The following SBF2 variants were observed in gnomAD, a reference collection of about 807,000 sequenced individuals.
SBF2 encodes the protein SET binding factor 2, also known as myotubularin-related protein 13.
SBF2 carries 112 observed loss-of-function variants against 225.2 expected under a neutral mutation model. That is an observed-to-expected ratio of 0.50 (90% CI 0.43 to 0.58). SBF2 has a LOEUF of 0.58. Among genes scored for constraint, SBF2 ranks in the 20% least tolerant of loss-of-function variants. SBF2 has a pLI of 0.00. For missense variants in SBF2, 1,996 were observed against 2,206.2 expected, an observed-to-expected ratio of 0.90 and a Z score of 1.91; for synonymous variants, 763 against 773.3, an observed-to-expected ratio of 0.99 and a Z score of 0.22.
At chr11:9,924,881 T>C (rs1044981797) in intron 16 of SBF2, among the ~76,000 whole-genome samples, 1 of 152,092 alleles carries the variant, frequency 6.6e-6, no homozygotes, top group Non-Finnish European at 1.5e-5. Flanking sequence ...CCTAAGTAGC[T>C]GGGACCACAG....
intron 12 of SBF2, 84 bp from the exon 13 acceptor site, chr11:9,989,679 G>C: frequency 2.3e-6 from 2 of 870,540 alleles, no homozygotes; most frequent in Middle Eastern, 2.3e-4. Context: ...CAATTTGCAA[G>C]CCAAAAAAAT....
At chr11:10,258,108 A>ACACACG (rs754250831) in intron 1 of SBF2, among the ~76,000 whole-genome samples, 4 of 142,786 alleles carry the variant, frequency 2.8e-5, no homozygotes, top group Non-Finnish European at 6.1e-5. Flanking sequence ...ACACACACAC[A>ACACACG]CTTTTTTTTT....
chr11:10,167,367 C>A (rs1013202994), intron 2 of SBF2, among the ~76,000 whole-genome samples: 1 of 151,958 alleles, frequency 6.6e-6, no homozygotes, highest in Non-Finnish European at 1.5e-5. Context: ...AATTCTAGAC[C>A]AGCCTCAGTA....
chr11:10,295,006 G>A (rs955919968), upstream of SBF2, among the ~76,000 whole-genome samples: 1 of 152,258 alleles, frequency 6.6e-6, no homozygotes, highest in Non-Finnish European at 1.5e-5. Flanking sequence ...GATTATCAAA[G>A]TCGCTTGCTT....
chr11:10,032,711 C>G (rs972604332), intron 3 of SBF2, among the ~76,000 whole-genome samples: 2 of 152,184 alleles, frequency 1.3e-5, no homozygotes, highest in Non-Finnish European at 2.9e-5. Context: ...TGTCTGTCAA[C>G]TGCACTAGCA....
intron 1 of SBF2, among the ~76,000 whole-genome samples, chr11:10,225,395 AC>A: frequency 6.6e-6 from 1 of 151,960 alleles, no homozygotes; most frequent in East Asian, 1.9e-4. Flanking sequence ...CATTTTGAAA[AC>A]CCAATTTCCT....
At chr11:9,851,066 G>A (rs534846036) in intron 21 of SBF2, among the ~76,000 whole-genome samples, 4 of 151,358 alleles carry the variant, frequency 2.6e-5, no homozygotes, top group Non-Finnish European at 5.9e-5. Flanking sequence ...AACCTGGGAG[G>A]GGGAGGTTGC....
At chr11:10,158,925 T>C (rs376195365) in intron 2 of SBF2, among the ~76,000 whole-genome samples, 1 of 152,144 alleles carries the variant, frequency 6.6e-6, no homozygotes, top group Non-Finnish European at 1.5e-5. Flanking sequence ...CAAACAACAT[T>C]TGATAAAATC....
chr11:9,984,362 C>T (rs1947099886), intron 13 of SBF2, among the ~76,000 whole-genome samples: 1 of 152,010 alleles, frequency 6.6e-6, no homozygotes, highest in African/African-American at 2.4e-5. Flanking sequence ...TTTGAATTAA[C>T]CTAATCCAAC....
intron 16 of SBF2, chr11:9,960,059 C>T (rs1030100742): frequency 4.0e-5 from 10 of 251,840 alleles, no homozygotes; most frequent in Middle Eastern, 1.4e-3. Context: ...TTGATAGGCG[C>T]AATTATAGTG....
At position 10,005,460 on chromosome 11, in the gene SBF2, T is replaced by C. The variant is rs192276546; in HGVS notation, c.620-2771A>G. On this transcript the variant is annotated intron_variant, in intron 6 of 39. Transcript: ENST00000256190. ...CGAGTCAAAGCTCAAACAGTGCACTTGATCTCTCAAGTTGTCTGCTTGGCC... is the reference window on the plus strand; with the variant it reads ...CGAGTCAAAGCTCAAACAGTGCACTCGATCTCTCAAGTTGTCTGCTTGGCC... Among the ~76,000 whole-genome samples the C allele has an allele frequency of 5.0e-3, 760 of 152,242 alleles. 6 individuals are homozygous for C. Among genetic ancestry groups the C allele is most frequent in the African/African-American group, 0.017 (723 of 41,518 alleles).
intron 1 of SBF2, among the ~76,000 whole-genome samples, chr11:10,291,810 G>A (rs74529110): frequency 0.021 from 3,272 of 152,288 alleles, 94 homozygotes; most frequent in African/African-American, 0.065. Flanking sequence ...CAGTGGAGAA[G>A]CCTCGCAGAT....
chr11:10,221,229 T>C (rs1170634465), intron 1 of SBF2, among the ~76,000 whole-genome samples: 7 of 152,076 alleles, frequency 4.6e-5, no homozygotes, highest in Non-Finnish European at 8.8e-5. Context: ...GTGATTCTCC[T>C]GTCTCAGCCT....
intron 16 of SBF2, among the ~76,000 whole-genome samples, chr11:9,920,616 A>C (rs192698317): frequency 1.3e-5 from 2 of 152,312 alleles, no homozygotes; most frequent in East Asian, 1.9e-4. Context: ...AAGAGACATT[A>C]ATCTAAAATT....
chr11:9,929,151 C>G (rs537819347), intron 16 of SBF2: 15 of 238,734 alleles, frequency 6.3e-5, no homozygotes, highest in African/African-American at 2.5e-4. Flanking sequence ...TACAACTACA[C>G]GAGAAGGTGC....
intron 13 of SBF2, among the ~76,000 whole-genome samples, chr11:9,981,929 A>G (rs1397304300): frequency 6.6e-6 from 1 of 152,208 alleles, no homozygotes; most frequent in African/African-American, 2.4e-5. Context: ...GTTCCGACTT[A>G]CTTTACTTTT....
At chr11:10,228,514 G>A (rs943181886) in intron 1 of SBF2, among the ~76,000 whole-genome samples, 1 of 152,156 alleles carries the variant, frequency 6.6e-6, no homozygotes, top group African/African-American at 2.4e-5. Flanking sequence ...CTAATTTATT[G>A]AGAGTTTTTA....
intron 1 of SBF2, among the ~76,000 whole-genome samples, chr11:10,233,244 T>A (rs1958928274): frequency 6.6e-6 from 1 of 152,332 alleles, no homozygotes; most frequent in Non-Finnish European, 1.5e-5. Context: ...TATCTTGTCA[T>A]TTCTATCAAT....
At chr11:10,224,463 T>C (rs749662325) in intron 1 of SBF2, among the ~76,000 whole-genome samples, 1 of 152,174 alleles carries the variant, frequency 6.6e-6, no homozygotes, top group Non-Finnish European at 1.5e-5. Context: ...TAATAAAATC[T>C]AAGCTCCTTA....
Sources: gnomAD v4.1 joint callset for allele counts (sites outside exome capture counted in the v4.1 genomes callset) on GRCh38, gnomAD v4.1.1 for gene constraint, MANE v1.5 for transcripts, NCBI Gene and HGNC (gene_info 2026-07-23, HGNC 2026-07-21) for gene names.